LIMD1: variants seen among roughly 807,000 people sequenced by gnomAD.
LIMD1 encodes LIM domain-containing protein 1.
Under a neutral mutation model 58.4 loss-of-function variants are expected in LIMD1, and 23 were observed. The ratio of observed to expected loss-of-function variants is 0.39; its 90% confidence interval spans 0.28 to 0.56. The LOEUF is 0.56. LIMD1 is among the 20% of genes least tolerant of loss of function. LIMD1 has a pLI of 0.57. For synonymous variants in LIMD1, 334 were observed against 345.5 expected (o/e 0.97, Z 0.37); for missense variants, 838 against 855.5 (o/e 0.98, Z 0.25).
chr3:45,641,832 T>C (rs61616664), intron 2 of LIMD1, among the ~76,000 whole-genome samples: 4,609 of 152,286 alleles, frequency 0.03, 76 homozygotes, highest in Non-Finnish European at 0.041. Flanking sequence ...GACTGCCACA[T>C]AAGTGGGATT....
At chr3:45,637,089 C>T (rs1420234165) in intron 2 of LIMD1, among the ~76,000 whole-genome samples, 1 of 152,166 alleles carries the variant, frequency 6.6e-6, no homozygotes, top group Admixed American at 6.5e-5. Context: ...GTCTTTCTAA[C>T]CATCTGGCCC....
chr3:45,621,959 A>G (rs1240209583), intron 1 of LIMD1, among the ~76,000 whole-genome samples: 1 of 151,734 alleles, frequency 6.6e-6, no homozygotes, highest in Non-Finnish European at 1.5e-5. Flanking sequence ...GCTACTCGGG[A>G]GGCTGAGGCA....
intron 1 of LIMD1, among the ~76,000 whole-genome samples, chr3:45,618,129 A>G (rs1701592163): frequency 6.6e-6 from 1 of 152,088 alleles, no homozygotes; most frequent in Non-Finnish European, 1.5e-5. Context: ...CCACATGGAC[A>G]CACTCAGCCG....
intron 3 of LIMD1, among the ~76,000 whole-genome samples, chr3:45,667,202 T>C (rs1193904477): frequency 6.6e-6 from 1 of 152,186 alleles, no homozygotes; most frequent in African/African-American, 2.4e-5. Context: ...TGATGGAGTC[T>C]CATTGGCTCT....
intron 2 of LIMD1, among the ~76,000 whole-genome samples, chr3:45,644,582 T>C (rs1174029185): frequency 2.6e-5 from 4 of 152,202 alleles, no homozygotes; most frequent in Admixed American, 6.5e-5. Context: ...TTATTATTAC[T>C]CTCAACTTAA....
intron 3 of LIMD1, among the ~76,000 whole-genome samples, chr3:45,667,693 C>T (rs1316725428): frequency 1.3e-5 from 2 of 151,684 alleles, no homozygotes; most frequent in Non-Finnish European, 2.9e-5. Context: ...GCTTTTTAAC[C>T]AGAACCGGAG....
At chr3:45,603,075 A>G (rs950140950) in intron 1 of LIMD1, among the ~76,000 whole-genome samples, 2 of 152,142 alleles carry the variant, frequency 1.3e-5, no homozygotes, top group Admixed American at 6.5e-5. Context: ...TCCTGACCTC[A>G]GGTGATCTGC....
chr3:45,619,635 CTAAAAATA>C (rs1185997810), intron 1 of LIMD1, among the ~76,000 whole-genome samples: 2 of 151,938 alleles, frequency 1.3e-5, no homozygotes, highest in Non-Finnish European at 2.9e-5. Flanking sequence ...CCCATCTCTA[CTAAAAATA>C]TAAAAATTAG....
intron 1 of LIMD1, among the ~76,000 whole-genome samples, chr3:45,596,857 G>A (rs1405070145): frequency 6.9e-6 from 1 of 143,978 alleles, no homozygotes; most frequent in Non-Finnish European, 1.5e-5. Flanking sequence ...TTGTAGAGCA[G>A]TGGATCTTTT....
intron 1 of LIMD1, among the ~76,000 whole-genome samples, chr3:45,611,580 A>G (rs1701522509): frequency 6.6e-6 from 1 of 152,196 alleles, no homozygotes; most frequent in Non-Finnish European, 1.5e-5. Context: ...ATCAGGGGCC[A>G]CAGGCTACTG....
chr3:45,672,659 A>G (rs1037169109), intron 4 of LIMD1, 31 bp from the exon 5 acceptor site: 17 of 1,611,496 alleles, frequency 1.1e-5, no homozygotes, highest in Non-Finnish European at 1.4e-5. Context: ...CCTTCCCTAT[A>G]ATCCCCACTG....
intron 7 of LIMD1, among the ~76,000 whole-genome samples, chr3:45,675,860 A>G (rs1697660277): frequency 6.6e-6 from 1 of 152,190 alleles, no homozygotes; most frequent in African/African-American, 2.4e-5. Context: ...TACAAAAATT[A>G]GCCAGGCATG....
At chr3:45,640,630 ATGTTGG>A (rs1325506384) in intron 2 of LIMD1, among the ~76,000 whole-genome samples, 1 of 152,132 alleles carries the variant, frequency 6.6e-6, no homozygotes, top group African/African-American at 2.4e-5. Context: ...GGGTTTCACC[ATGTTGG>A]CCAGGCTGGT....
At chr3:45,605,163 C>T (rs947207007) in intron 1 of LIMD1, among the ~76,000 whole-genome samples, 10 of 152,214 alleles carry the variant, frequency 6.6e-5, no homozygotes, top group Non-Finnish European at 8.8e-5. Context: ...GGGTCCTTCC[C>T]GGCCCAAAGT....
intron 1 of LIMD1, chr3:45,635,898 G>A (rs1174957159): frequency 1.0e-6 from 1 of 985,186 alleles, no homozygotes; most frequent in Non-Finnish European, 1.2e-6. Flanking sequence ...CCAAGCCCAG[G>A]AATTCTGGAC....
intron 1 of LIMD1, among the ~76,000 whole-genome samples, chr3:45,608,683 T>C (rs1701491462): frequency 6.6e-6 from 1 of 151,620 alleles, no homozygotes; most frequent in South Asian, 2.1e-4. Flanking sequence ...GTACTAAAAA[T>C]ACAAAAATTA....
intron 1 of LIMD1, among the ~76,000 whole-genome samples, chr3:45,623,283 A>G (rs1701643481): frequency 6.6e-6 from 1 of 152,202 alleles, no homozygotes; most frequent in Non-Finnish European, 1.5e-5. Context: ...GACCAGACAG[A>G]AGGGTATAAC....
intron 2 of LIMD1, among the ~76,000 whole-genome samples, chr3:45,646,029 CAA>C (rs35353411): frequency 2.8e-4 from 27 of 96,822 alleles, no homozygotes; most frequent in South Asian, 3.8e-4. Context: ...GACTCTGTCT[CAA>C]AAAAAAAAAA....
chr3:45,673,714 G>C (rs1342709058), intron 6 of LIMD1: 2 of 594,538 alleles, frequency 3.4e-6, no homozygotes, highest in African/African-American at 3.7e-5. Context: ...TGGAGTTTAA[G>C]AACAGCCTGG....
Sources: allele counts gnomAD v4.1 joint callset (sites outside exome capture counted in the v4.1 genomes callset), GRCh38; gene constraint gnomAD v4.1.1; transcripts MANE v1.5; gene names NCBI Gene and HGNC (gene_info 2026-07-23, HGNC 2026-07-21).